NTNG1: variants seen among roughly 807,000 people sequenced by gnomAD.
NTNG1 encodes netrin G1, also known as netrin-G1.
In NTNG1, 16 loss-of-function variants were observed where a neutral mutation model predicts 54.0. That is an observed-to-expected ratio of 0.30 (90% CI 0.20 to 0.45). The LOEUF (loss-of-function observed/expected upper bound fraction) is 0.45, where lower values mean the gene tolerates loss of function less well. Among genes scored for constraint, NTNG1 ranks in the 20% least tolerant of loss-of-function variants. The pLI is 1.00. For synonymous variants in NTNG1, 255 were observed against 263.1 expected (o/e 0.97, Z 0.30); for missense variants, 530 against 678.7 (o/e 0.78, Z 2.43).
intron 5 of NTNG1, chr1:107,421,253 G>C: frequency 1.4e-6 from 1 of 737,652 alleles, no homozygotes; most frequent in South Asian, 1.7e-5. Flanking sequence ...TTATTGGTGA[G>C]GCATGTTGAC....
intron 7 of NTNG1, among the ~76,000 whole-genome samples, chr1:107,460,772 T>C (rs1677235021): frequency 6.6e-6 from 1 of 152,206 alleles, no homozygotes; most frequent in African/African-American, 2.4e-5. Context: ...GATTGCCAAG[T>C]GCATAATATT....
intron 3 of NTNG1, among the ~76,000 whole-genome samples, chr1:107,376,047 T>C (rs1475783033): frequency 1.3e-5 from 2 of 152,236 alleles, no homozygotes; most frequent in Non-Finnish European, 2.9e-5. Flanking sequence ...CAACATTTAT[T>C]GAGCACTTAT....
At chr1:107,238,521 C>T (rs1661570497) in intron 2 of NTNG1, among the ~76,000 whole-genome samples, 1 of 152,104 alleles carries the variant, frequency 6.6e-6, no homozygotes, top group African/African-American at 2.4e-5. Context: ...TATGGTTTGG[C>T]TGTGTCCCCA....
At chr1:107,430,061 G>A (rs1675158121) in intron 5 of NTNG1, among the ~76,000 whole-genome samples, 3 of 152,114 alleles carry the variant, frequency 2.0e-5, no homozygotes, top group Admixed American at 6.6e-5. Flanking sequence ...GAGAAAAGGA[G>A]GGAATCTTAA....
At chr1:107,418,567 C>G in intron 5 of NTNG1, 1 of 1,579,012 alleles carries the variant, frequency 6.3e-7, no homozygotes, top group Non-Finnish European at 8.6e-7. Flanking sequence ...CTGATTTTTC[C>G]TGATGCGTGC....
At chr1:107,247,446 TA>T (rs1662278845) in intron 2 of NTNG1, among the ~76,000 whole-genome samples, 1 of 152,210 alleles carries the variant, frequency 6.6e-6, no homozygotes, top group Non-Finnish European at 1.5e-5. Flanking sequence ...ACAAGTTACT[TA>T]AAATACTTAA....
chr1:107,480,572 C>CCCCCCCCCCCCCCCCCCCACAAAA, intron 7 of NTNG1, 39 bp from the exon 8 acceptor site: 1 of 568,012 alleles, frequency 1.8e-6, no homozygotes, highest in Non-Finnish European at 3.4e-6. Flanking sequence ...CTTCTCCTCC[C>CCCCCCCCCCCCCCCCCCCACAAAA]CGCGCCCACC....
chr1:107,287,080 T>C (rs7547809), intron 2 of NTNG1, among the ~76,000 whole-genome samples: 2,601 of 152,232 alleles, frequency 0.017, 64 homozygotes, highest in African/African-American at 0.06. Context: ...TTTTCTTTCA[T>C]ATGTAGTATA....
chr1:107,174,105 C>T (rs1656462938), intron 2 of NTNG1, among the ~76,000 whole-genome samples: 1 of 152,144 alleles, frequency 6.6e-6, no homozygotes. Context: ...AATCGAATCA[C>T]TAAATTATTG....
At chr1:107,391,622 A>T (rs1672368219) in intron 3 of NTNG1, among the ~76,000 whole-genome samples, 1 of 152,084 alleles carries the variant, frequency 6.6e-6, no homozygotes, top group East Asian at 1.9e-4. Flanking sequence ...TCAGTTTCTG[A>T]TGAGGGCCTC....
chr1:107,472,575 C>T (rs867818215), intron 7 of NTNG1, among the ~76,000 whole-genome samples: 6 of 152,060 alleles, frequency 3.9e-5, no homozygotes, highest in Non-Finnish European at 8.8e-5. Flanking sequence ...CATAGTATGT[C>T]CAAGGCCTTG....
intron 2 of NTNG1, among the ~76,000 whole-genome samples, chr1:107,174,455 T>C (rs1400864962): frequency 6.6e-6 from 1 of 152,098 alleles, no homozygotes; most frequent in African/African-American, 2.4e-5. Flanking sequence ...CCTGATCCTT[T>C]TTGAAAGTTC....
rs762550657 is a variant in NTNG1 at position 107,221,243 on chromosome 1, CT to C, written c.246+72410del. Among the ~76,000 whole-genome samples the C allele has an allele frequency of 3.3e-5, 5 of 151,984 alleles. No individual in the cohort carries two copies. The East Asian group carries it at 9.7e-4, about 29-fold the overall frequency. On this transcript the variant is annotated intron_variant, in intron 2 of 7. Coordinates refer to ENST00000370068, the MANE Select transcript of NTNG1 (RefSeq NM_001113226.3). ...GAGAATATCTCAATATACTTATTAG[CT>C]TTTTTGATAAGGCTTTGCAGGGTGT...
chr1:107,239,555 A>C (rs1190758346), intron 2 of NTNG1, among the ~76,000 whole-genome samples: 3 of 152,270 alleles, frequency 2.0e-5, no homozygotes, highest in African/African-American at 4.8e-5. Flanking sequence ...AAATCCTATC[A>C]TTCTGAAAAC....
intron 2 of NTNG1, among the ~76,000 whole-genome samples, chr1:107,275,977 G>A (rs1366511466): frequency 1.3e-5 from 2 of 152,156 alleles, no homozygotes; most frequent in Admixed American, 1.3e-4. Flanking sequence ...ACAACACTTA[G>A]TACAGAGCTG....
chr1:107,200,892 C>A (rs1458308364), intron 2 of NTNG1, among the ~76,000 whole-genome samples: 2 of 151,774 alleles, frequency 1.3e-5, no homozygotes, highest in African/African-American at 4.8e-5. Flanking sequence ...TGACTCAGTT[C>A]TTTTCTCTGA....
intron 3 of NTNG1, among the ~76,000 whole-genome samples, chr1:107,391,056 G>A (rs1244658226): frequency 6.6e-6 from 1 of 152,134 alleles, no homozygotes; most frequent in East Asian, 1.9e-4. Context: ...ATATCTGAAG[G>A]GAAGAATTAT....
At chr1:107,340,804 A>G (rs1291672364) in intron 3 of NTNG1, among the ~76,000 whole-genome samples, 3 of 152,054 alleles carry the variant, frequency 2.0e-5, no homozygotes, top group Non-Finnish European at 4.4e-5. Flanking sequence ...TGTTTACTTG[A>G]TAGACTTTAG....
intron 7 of NTNG1, among the ~76,000 whole-genome samples, chr1:107,473,244 A>G (rs2101591188): frequency 6.6e-6 from 1 of 152,364 alleles, no homozygotes; most frequent in East Asian, 1.9e-4. Flanking sequence ...ATACAGACCC[A>G]GCATTGCTCA....
Sources: gnomAD v4.1 joint callset for allele counts (sites outside exome capture counted in the v4.1 genomes callset) on GRCh38, gnomAD v4.1.1 for gene constraint, MANE v1.5 for transcripts, NCBI Gene and HGNC (gene_info 2026-07-23, HGNC 2026-07-21) for gene names.